Variants in C12orf56 observed in about 807,000 individuals in gnomAD.
C12orf56 encodes the protein uncharacterized protein C12orf56.
C12orf56 carries 71 observed loss-of-function variants against 69.9 expected under a neutral mutation model. The observed-to-expected ratio is 1.02, with a 90% CI of 0.84 to 1.24. The LOEUF is 1.24. C12orf56 is among the 50% of genes most tolerant of loss of function. The pLI, the probability that C12orf56 is intolerant of heterozygous loss-of-function variation, is 0.00. For missense variants in C12orf56, 732 were observed against 738.5 expected (o/e 0.99, Z 0.10); for synonymous variants, 276 against 274.1 (o/e 1.01, Z -0.07).
At chr12:64,388,699 A>C (rs1212798915) in intron 1 of C12orf56, among the ~76,000 whole-genome samples, 1 of 152,202 alleles carries the variant, frequency 6.6e-6, no homozygotes, top group Non-Finnish European at 1.5e-5. Flanking sequence ...TACAAAAAAA[A>C]ATTTTTAATT....
chr12:64,273,131 TAAAAAATACAA>T (rs1325567760), intron 11 of C12orf56, among the ~76,000 whole-genome samples: 3 of 151,868 alleles, frequency 2.0e-5, no homozygotes, highest in Non-Finnish European at 4.4e-5. Flanking sequence ...CCGTCTGTAC[TAAAAAATACAA>T]AATTTAGCCG....
At chr12:64,377,193 CT>C (rs751240899) in intron 1 of C12orf56, among the ~76,000 whole-genome samples, 14,809 of 127,992 alleles carry the variant, frequency 0.12, 547 homozygotes, top group Middle Eastern at 0.2. Context: ...CCTTTGCCCA[CT>C]TTTTTTTTTT....
At chr12:64,282,415 C>T (rs952007286) in intron 8 of C12orf56, among the ~76,000 whole-genome samples, 8 of 152,278 alleles carry the variant, frequency 5.3e-5, no homozygotes, top group Middle Eastern at 3.4e-3. Flanking sequence ...GATTGTATGA[C>T]GTGATAAGCC....
At chr12:64,274,521 T>C (rs139084562) in intron 11 of C12orf56, among the ~76,000 whole-genome samples, 6 of 152,278 alleles carry the variant, frequency 3.9e-5, no homozygotes, top group Admixed American at 2.0e-4. Context: ...ATGGTGATAA[T>C]AGGAACTAGG....
chr12:64,266,802 G>T lies in C12orf56; in HGVS notation c.*381C>A. 1 of 284,024 alleles carries T rather than the reference G, an allele frequency of 3.5e-6. No individual in the cohort carries two copies. The highest frequency in any genetic ancestry group is 6.8e-6 in the Non-Finnish European group (1 of 148,024). The allele number at this position is 284,024 out of a possible 1,614,324, so 17.6% of individuals were successfully genotyped here. The stretch of plus-strand genomic sequence containing the variant: ...AGAACTATTATCAGGAGAATTTTGA[G>T]AACCTTCTTGCTTTTGCTGCTAAGG... On this transcript the variant is annotated 3_prime_UTR_variant, in exon 13 of 13. Coordinates refer to ENST00000543942, the MANE Select transcript of C12orf56 (RefSeq NM_001170633.2).
At chr12:64,269,982 C>T (rs867978022) in intron 12 of C12orf56, among the ~76,000 whole-genome samples, 8 of 152,126 alleles carry the variant, frequency 5.3e-5, no homozygotes, top group Non-Finnish European at 8.8e-5. Context: ...ACAAACCGTT[C>T]TTCAAAGAGA....
At chr12:64,329,269 C>A (rs946928206) in intron 3 of C12orf56, among the ~76,000 whole-genome samples, 1 of 152,020 alleles carries the variant, frequency 6.6e-6, no homozygotes, top group African/African-American at 2.4e-5. Context: ...TATTCAGTCA[C>A]CCCAGCTGGA....
chr12:64,311,889 G>T (rs776231082), intron 5 of C12orf56, among the ~76,000 whole-genome samples: 1 of 152,198 alleles, frequency 6.6e-6, no homozygotes, highest in South Asian at 2.1e-4. Flanking sequence ...AAGAGTGAAG[G>T]CAGAGAGACC....
At chr12:64,386,139 G>C (rs1236783693) in intron 1 of C12orf56, among the ~76,000 whole-genome samples, 10 of 152,082 alleles carry the variant, frequency 6.6e-5, no homozygotes, top group Admixed American at 5.9e-4. Flanking sequence ...GCAATGACTA[G>C]TCGAGTCTTT....
chr12:64,386,914 A>G (rs2039799170), intron 1 of C12orf56, among the ~76,000 whole-genome samples: 1 of 151,564 alleles, frequency 6.6e-6, no homozygotes, highest in Admixed American at 6.6e-5. Flanking sequence ...CCCTGTCTCT[A>G]CTAAAACTAC....
chr12:64,328,679 C>CAAA lies in C12orf56; in HGVS notation c.488+2278_488+2280dup, dbSNP rs59688148. On this transcript the variant is annotated intron_variant, in intron 3 of 12. Coordinates refer to ENST00000543942, the MANE Select transcript of C12orf56 (RefSeq NM_001170633.2). ...TGGGCGACAGTGCAAGACTCCATCT[C>CAAA]AAAAAAAAAAAAAAAAAAAAAAAAA... is the stretch of plus-strand genomic sequence containing the variant. 6.6e-3 allele frequency among the ~76,000 whole-genome samples: 383 copies of CAAA among 57,882 alleles called. 41 individuals carry two copies. Among genetic ancestry groups the CAAA allele is most frequent in the Non-Finnish European group, 9.4e-3 (300 of 31,780 alleles). The allele number at this position is 57,882 out of a possible 152,430, so 38.0% of individuals were successfully genotyped here. A position where few individuals can be genotyped will look rare whatever the true frequency, so the allele number is the denominator to read the frequency against.
intron 3 of C12orf56, among the ~76,000 whole-genome samples, chr12:64,328,720 T>A (rs1212475942): frequency 3.9e-4 from 5 of 12,976 alleles, no homozygotes; most frequent in Admixed American, 1.5e-3. Flanking sequence ...TATATATATA[T>A]ATATATATAT....
chr12:64,311,112 C>A (rs2038606538), intron 5 of C12orf56, among the ~76,000 whole-genome samples: 1 of 152,062 alleles, frequency 6.6e-6, no homozygotes, highest in Non-Finnish European at 1.5e-5. Context: ...TTAATCCAGT[C>A]TATCATTGTT....
chr12:64,349,153 T>C (rs1045183340), intron 2 of C12orf56, among the ~76,000 whole-genome samples: 5 of 152,142 alleles, frequency 3.3e-5, no homozygotes, highest in African/African-American at 1.2e-4. Context: ...CAGAATCTAC[T>C]ACGAACTCAA....
At chr12:64,307,205 A>G (rs1435630784) in intron 5 of C12orf56, among the ~76,000 whole-genome samples, 2 of 152,150 alleles carry the variant, frequency 1.3e-5, no homozygotes, top group African/African-American at 4.8e-5. Context: ...AGAAATTTTA[A>G]GCTATCCATA....
At chr12:64,320,922 A>G (rs1233016427) in intron 3 of C12orf56, among the ~76,000 whole-genome samples, 1 of 152,222 alleles carries the variant, frequency 6.6e-6, no homozygotes, top group East Asian at 1.9e-4. Context: ...TAAGAACAGT[A>G]ACTTTGAAAC....
chr12:64,276,253 T>G (rs534036106), intron 9 of C12orf56, among the ~76,000 whole-genome samples: 2 of 152,200 alleles, frequency 1.3e-5, no homozygotes, highest in East Asian at 3.9e-4. Context: ...CCTGCCCTCA[T>G]GGAACATACA....
rs1222372627 is a variant in C12orf56, at chr12:64,312,679, C to G, written c.968G>C (p.Arg323Thr). The G allele has an allele frequency of 2.6e-6, 4 of 1,531,704 alleles. No homozygotes were observed. In the East Asian group the frequency reaches 9.8e-5, roughly 37 times the overall value. 94.9% of individuals were successfully genotyped at this position (1,531,704 alleles called of 1,614,324 possible). The change falls in exon 5 of 13, where the codon AGG becomes ACG. Residue 323 changes from arginine to threonine, a missense_variant and splice_region_variant. Coordinates refer to ENST00000543942, the MANE Select transcript of C12orf56 (RefSeq NM_001170633.2). Reference sequence around the variant, plus strand: ...TCTATCATACATCATCACTTCTTACCTATATGGCTTTTGACTTCCAATAGC... The same window carrying G: ...TCTATCATACATCATCACTTCTTACGTATATGGCTTTTGACTTCCAATAGC... ...SPAIGSQKPY[R>T]SEEKIKHFSQ... is the part of the protein sequence containing the mutation.
At chr12:64,377,485 G>A (rs998558636) in intron 1 of C12orf56, among the ~76,000 whole-genome samples, 1 of 152,022 alleles carries the variant, frequency 6.6e-6, no homozygotes, top group Non-Finnish European at 1.5e-5. Context: ...CACTGCACCT[G>A]GCCTCTTGGC....
Sources: allele counts gnomAD v4.1 joint callset (sites outside exome capture counted in the v4.1 genomes callset), GRCh38; gene constraint gnomAD v4.1.1; transcripts MANE v1.5; gene names NCBI Gene and HGNC (gene_info 2026-07-23, HGNC 2026-07-21).